Variants in GLRA3 observed in about 807,000 individuals in gnomAD.
GLRA3 encodes glycine receptor alpha 3.
GLRA3 carries 44 observed loss-of-function variants against 60.4 expected under a neutral mutation model. The ratio of observed to expected loss-of-function variants is 0.73; its 90% CI spans 0.57 to 0.94. GLRA3 has a LOEUF of 0.94. Among genes scored for constraint, GLRA3 ranks in the 40% least tolerant of loss-of-function variants. GLRA3 has a pLI of 0.00. For missense variants in GLRA3, 508 were observed against 564.6 expected (o/e 0.90, Z 1.02); for synonymous variants, 223 against 192.9 (o/e 1.16, Z -1.29).
rs1404089424 is a variant in GLRA3, at chr4:174,775,348, C to A, written c.200-8318G>T. Among the ~76,000 whole-genome samples, 3 of 152,052 alleles carry A rather than the reference C, an allele frequency of 2.0e-5. No individual in the cohort carries two copies. The East Asian group carries it at 5.8e-4, about 29-fold the overall frequency. On this transcript the variant is annotated intron_variant, in intron 2 of 9. Coordinates refer to ENST00000274093, the MANE Select transcript of GLRA3 (RefSeq NM_006529.4). The stretch of plus-strand genomic sequence containing the variant: ...AAAATGAGTTTGGGTACACATGCCA[C>A]CCTTGGCATGGATGTTGTTGTAGAA...
At chr4:174,722,699 T>C (rs946087088) in intron 4 of GLRA3, 1 of 164,656 alleles carries the variant, frequency 6.1e-6, no homozygotes, top group Non-Finnish European at 1.5e-5. Flanking sequence ...TAAGTTCAAT[T>C]AGTCGTCTTT....
intron 1 of GLRA3, among the ~76,000 whole-genome samples, chr4:174,801,655 C>A (rs751947074): frequency 9.9e-5 from 15 of 152,088 alleles, no homozygotes; most frequent in South Asian, 4.1e-4. Context: ...CCACACCTTA[C>A]CATGTTCTCT....
chr4:174,681,505 A>G (rs1425091900), intron 6 of GLRA3, among the ~76,000 whole-genome samples: 1 of 152,166 alleles, frequency 6.6e-6, no homozygotes, highest in Non-Finnish European at 1.5e-5. Context: ...AAACACAGAC[A>G]CACAGGGGAA....
intron 1 of GLRA3, among the ~76,000 whole-genome samples, chr4:174,812,184 T>C (rs971191498): frequency 3.3e-5 from 5 of 152,066 alleles, no homozygotes; most frequent in African/African-American, 1.2e-4. Flanking sequence ...GATACAGCAA[T>C]AGTACTAATG....
At chr4:174,692,125 C>A (rs1463205175) in intron 5 of GLRA3, among the ~76,000 whole-genome samples, 1 of 151,688 alleles carries the variant, frequency 6.6e-6, no homozygotes, top group East Asian at 2.0e-4. Flanking sequence ...GCAACTGCCC[C>A]GTCTGAGAAG....
intron 3 of GLRA3, among the ~76,000 whole-genome samples, chr4:174,733,414 G>A (rs1392858124): frequency 6.6e-6 from 1 of 152,012 alleles, no homozygotes; most frequent in Non-Finnish European, 1.5e-5. Flanking sequence ...AATCCTTCTG[G>A]CTGTGAAGAG....
intron 1 of GLRA3, among the ~76,000 whole-genome samples, chr4:174,791,319 T>C (rs1165341703): frequency 6.6e-6 from 1 of 152,088 alleles, no homozygotes; most frequent in Non-Finnish European, 1.5e-5. Flanking sequence ...AGAAAAGGAA[T>C]GGATTCTTCC....
chr4:174,786,244 A>T (rs1739125410), intron 2 of GLRA3, among the ~76,000 whole-genome samples: 1 of 152,096 alleles, frequency 6.6e-6, no homozygotes, highest in Non-Finnish European at 1.5e-5. Context: ...CCTTCCAAAA[A>T]CATTGATGTG....
chr4:174,695,259 T>C (rs1466942199), intron 5 of GLRA3, among the ~76,000 whole-genome samples: 1 of 151,894 alleles, frequency 6.6e-6, no homozygotes, highest in African/African-American at 2.4e-5. Flanking sequence ...ATCATCTTGA[T>C]ACTAAAACCT....
chr4:174,776,566 G>T (rs937924426), intron 2 of GLRA3, among the ~76,000 whole-genome samples: 1 of 152,072 alleles, frequency 6.6e-6, no homozygotes, highest in East Asian at 1.9e-4. Flanking sequence ...AAGGAATCTC[G>T]TAATGCCTGT....
At chr4:174,824,633 A>G (rs1415170397) in intron 1 of GLRA3, among the ~76,000 whole-genome samples, 2 of 152,132 alleles carry the variant, frequency 1.3e-5, no homozygotes, top group South Asian at 2.1e-4. Context: ...CCTTTTCCCA[A>G]TCACATACTA....
At chr4:174,707,279 C>T (rs1327339948) in intron 5 of GLRA3, among the ~76,000 whole-genome samples, 1 of 152,122 alleles carries the variant, frequency 6.6e-6, no homozygotes, top group East Asian at 1.9e-4. Context: ...CCAGCAGAGA[C>T]ATGGATCATC....
chr4:174,677,893 C>A (rs1475029094), intron 6 of GLRA3, among the ~76,000 whole-genome samples: 5 of 152,228 alleles, frequency 3.3e-5, no homozygotes, highest in Admixed American at 2.6e-4. Flanking sequence ...ACGACAATTG[C>A]TTCTGAGGCA....
At chr4:174,656,877 T>C in intron 8 of GLRA3, 90 bp from the exon 9 acceptor site, 2 of 763,034 alleles carry the variant, frequency 2.6e-6, no homozygotes, top group Non-Finnish European at 2.3e-6. Flanking sequence ...TTGGTTGTAA[T>C]TGTATATACC....
At chr4:174,679,027 C>T (rs1404659074) in intron 6 of GLRA3, among the ~76,000 whole-genome samples, 1 of 151,952 alleles carries the variant, frequency 6.6e-6, no homozygotes, top group African/African-American at 2.4e-5. Context: ...TTTCAAAGTT[C>T]AAAATCACTA....
chr4:174,681,737 T>C (rs1734353124), intron 6 of GLRA3, among the ~76,000 whole-genome samples: 1 of 152,156 alleles, frequency 6.6e-6, no homozygotes, highest in South Asian at 2.1e-4. Flanking sequence ...TGATAGGTTA[T>C]TATGGCAGCC....
At chr4:174,718,289 T>C (rs1735999606) in intron 4 of GLRA3, among the ~76,000 whole-genome samples, 1 of 152,166 alleles carries the variant, frequency 6.6e-6, no homozygotes. Flanking sequence ...AAAAGAAAAT[T>C]AAATCAAGAG....
intron 1 of GLRA3, among the ~76,000 whole-genome samples, chr4:174,799,988 T>A (rs1445764549): frequency 1.3e-5 from 2 of 151,962 alleles, no homozygotes; most frequent in African/African-American, 4.8e-5. Flanking sequence ...AGATAAAAAA[T>A]AAAAAAACTG....
chr4:174,678,948 T>C (rs1734232078), intron 6 of GLRA3, among the ~76,000 whole-genome samples: 1 of 152,142 alleles, frequency 6.6e-6, no homozygotes, highest in Non-Finnish European at 1.5e-5. Flanking sequence ...TTGTATAAAT[T>C]CTCTAAATTT....
Sources: allele counts gnomAD v4.1 joint callset (sites outside exome capture counted in the v4.1 genomes callset), GRCh38; gene constraint gnomAD v4.1.1; transcripts MANE v1.5; gene names NCBI Gene and HGNC (gene_info 2026-07-23, HGNC 2026-07-21).